DMXL1: variants seen among roughly 807,000 people sequenced by gnomAD.
DMXL1 encodes the protein dmX-like protein 1.
A neutral mutation model predicts 319.2 loss-of-function variants in DMXL1; 99 were observed. The ratio of observed to expected loss-of-function variants is 0.31; its 90% CI spans 0.26 to 0.37. The LOEUF is 0.37. DMXL1 is among the 10% of genes least tolerant of loss of function. DMXL1 has a pLI of 1.00. For missense variants in DMXL1, 3,745 were observed against 3,595.6 expected (o/e 1.04, Z -1.06); for synonymous variants, 1,385 against 1,235.2 (o/e 1.12, Z -2.54).
intron 34 of DMXL1, among the ~76,000 whole-genome samples, chr5:119,213,281 C>T (rs1006200450): frequency 1.3e-5 from 2 of 152,164 alleles, no homozygotes; most frequent in Non-Finnish European, 2.9e-5. Flanking sequence ...CCATCATCAT[C>T]TAATTTCTGC....
At position 119,172,010 on chromosome 5, in the gene DMXL1, A is replaced by G. The variant is rs745709136; in HGVS notation, c.6681+41A>G. 4.7e-5 allele frequency: 71 copies of G among 1,506,440 alleles called. No individual in the cohort carries two copies. In the Middle Eastern group the frequency reaches 7.0e-4, roughly 15 times the overall value. 93.3% of individuals were successfully genotyped at this position (1,506,440 alleles called of 1,614,324 possible). Reference sequence around the variant, plus strand: ...TTCAAGCTTTTACTTCATCTGTACAATGATAAAACTACAAGATAAATATTA... The same window carrying G: ...TTCAAGCTTTTACTTCATCTGTACAGTGATAAAACTACAAGATAAATATTA... On this transcript the variant is annotated intron_variant, in intron 25 of 43. Coordinates refer to ENST00000539542, the MANE Select transcript of DMXL1 (RefSeq NM_001290321.3).
chr5:119,165,383 A>G, intron 21 of DMXL1, 103 bp downstream of exon 21: 3 of 626,668 alleles, frequency 4.8e-6, no homozygotes, highest in Non-Finnish European at 8.3e-6. Context: ...ATGTTGATTC[A>G]TGTAGATTCT....
intron 5 of DMXL1, among the ~76,000 whole-genome samples, chr5:119,110,997 C>T (rs1206167235): frequency 6.6e-6 from 1 of 152,134 alleles, no homozygotes; most frequent in Non-Finnish European, 1.5e-5. Flanking sequence ...CCATGTTGGC[C>T]AGGCTGGTCT....
In DMXL1 at chr5:119,146,946, T is replaced by C. The variant is rs753764797; in HGVS notation, c.2679T>C (p.Pro893=). 2 of 1,612,388 alleles carry C rather than the reference T, an allele frequency of 1.2e-6. No individual in the cohort carries two copies. The highest frequency in any genetic ancestry group is 2.2e-5 in the South Asian group (2 of 90,926). ...GGAATTTACATCTAAAGTCAATTCC[T>C]GTCTCATTAGGTGAGTCTTTTGTGT... ...HMWNLHLKSI[P]VSLDEKVDTK... Residue 893 remains proline, a synonymous_variant, in exon 16 of 44, where the codon CCT becomes CCC. Transcript: ENST00000539542.
chr5:119,178,060 C>G lies in DMXL1; in HGVS notation c.6951C>G (p.Val2317=), dbSNP rs1776140446. Residue 2317 remains valine, a synonymous_variant, in exon 28 of 44, where the codon GTC becomes GTG. Coordinates refer to ENST00000539542, the MANE Select transcript of DMXL1 (RefSeq NM_001290321.3). ...AGGAAGCCCAGTCAGGGCTTACAGTCTTGCTCTGTGAGATTCTCACAGCAG... is the reference window on the plus strand; with the variant it reads ...AGGAAGCCCAGTCAGGGCTTACAGTGTTGCTCTGTGAGATTCTCACAGCAG... ...SGEEAQSGLT[V]LLCEILTAVY... 2 of 1,613,840 alleles carry G rather than the reference C, an allele frequency of 1.2e-6. No individual in the cohort carries two copies. The highest frequency in any genetic ancestry group is 1.7e-6 in the Non-Finnish European group (2 of 1,179,780).
chr5:119,179,938 T>C (rs1472191333), intron 28 of DMXL1, among the ~76,000 whole-genome samples: 2 of 152,188 alleles, frequency 1.3e-5, no homozygotes, highest in Admixed American at 6.5e-5. Context: ...AAGCCAAATA[T>C]ATATTTTAGG....
chr5:119,196,601 A>C, intron 31 of DMXL1, 145 bp downstream of exon 31: 1 of 629,486 alleles, frequency 1.6e-6, no homozygotes, highest in South Asian at 2.0e-5. Flanking sequence ...TAACTAAACC[A>C]ACCATCTGTA....
intron 7 of DMXL1, 145 bp downstream of exon 7, chr5:119,116,481 C>A: frequency 1.2e-6 from 1 of 862,600 alleles, no homozygotes; most frequent in Non-Finnish European, 1.8e-6. Context: ...CTCTGGCCTG[C>A]ACATCTCTGG....
At chr5:119,185,447 T>C (rs1312757532) in intron 28 of DMXL1, among the ~76,000 whole-genome samples, 2 of 152,178 alleles carry the variant, frequency 1.3e-5, no homozygotes, top group Non-Finnish European at 2.9e-5. Context: ...CTAGGAAGAC[T>C]TTGAGGGTCA....
At chr5:119,109,007 G>C (rs114845509) in intron 4 of DMXL1, among the ~76,000 whole-genome samples, 1 of 150,764 alleles carries the variant, frequency 6.6e-6, no homozygotes, top group Non-Finnish European at 1.5e-5. Context: ...CTCCATGTTG[G>C]TCAGGTTAAT....
chr5:119,246,366 G>A (rs998457641), intron 43 of DMXL1, among the ~76,000 whole-genome samples: 13 of 152,068 alleles, frequency 8.5e-5, no homozygotes, highest in Admixed American at 7.2e-4. Context: ...GATAGGAAAC[G>A]TTGATTTTAA....
intron 43 of DMXL1, among the ~76,000 whole-genome samples, chr5:119,245,721 G>A (rs1789627701): frequency 6.6e-6 from 1 of 151,834 alleles, no homozygotes. Flanking sequence ...TTGTGTTTTA[G>A]TAGAGATGGG....
At chr5:119,076,079 C>T (rs1750790794) in intron 1 of DMXL1, among the ~76,000 whole-genome samples, 2 of 151,900 alleles carry the variant, frequency 1.3e-5, no homozygotes, top group Non-Finnish European at 2.9e-5. Context: ...TTCCAAGAGA[C>T]AGAAAGATTG....
At chr5:119,216,861 A>G in intron 34 of DMXL1, 40 bp from the exon 35 acceptor site, 1 of 1,126,246 alleles carries the variant, frequency 8.9e-7, no homozygotes, top group Non-Finnish European at 1.3e-6. Flanking sequence ...TTCTATTACT[A>G]AAATCAGTGC....
intron 4 of DMXL1, among the ~76,000 whole-genome samples, chr5:119,105,729 C>G (rs1401981450): frequency 6.6e-6 from 1 of 151,988 alleles, no homozygotes; most frequent in Admixed American, 6.6e-5. Context: ...AACCCTGTCT[C>G]TACTAAAAAT....
intron 27 of DMXL1, among the ~76,000 whole-genome samples, chr5:119,177,698 C>A (rs1051376716): frequency 6.6e-6 from 1 of 151,880 alleles, no homozygotes; most frequent in Non-Finnish European, 1.5e-5. Flanking sequence ...TTTGTAATAC[C>A]GTTTTTTAAA....
chr5:119,173,860 A>G (rs1465272735), intron 25 of DMXL1, among the ~76,000 whole-genome samples: 7 of 147,940 alleles, frequency 4.7e-5, no homozygotes, highest in African/African-American at 1.7e-4. Context: ...AAAAGTCCCA[A>G]GATCTGCAGT....
chr5:119,154,094 C>G (rs748666779), intron 19 of DMXL1, among the ~76,000 whole-genome samples: 1 of 152,174 alleles, frequency 6.6e-6, no homozygotes, highest in Non-Finnish European at 1.5e-5. Context: ...CAACACTGAT[C>G]AGCCATTCCC....
intron 25 of DMXL1, among the ~76,000 whole-genome samples, chr5:119,174,370 C>T (rs1775371164): frequency 6.6e-6 from 1 of 152,158 alleles, no homozygotes; most frequent in Non-Finnish European, 1.5e-5. Flanking sequence ...TCAAGCCCAG[C>T]TCAGATTCAG....
Sources: gnomAD v4.1 joint callset for allele counts (sites outside exome capture counted in the v4.1 genomes callset) on GRCh38, gnomAD v4.1.1 for gene constraint, MANE v1.5 for transcripts, NCBI Gene and HGNC (gene_info 2026-07-23, HGNC 2026-07-21) for gene names.